PCDHGA1: variants seen among roughly 807,000 people sequenced by gnomAD.
PCDHGA1 encodes the protein protocadherin gamma-A1.
PCDHGA1 carries 32 observed loss-of-function variants against 58.0 expected under a neutral mutation model. The ratio of observed to expected loss-of-function variants is 0.55; its 90% CI spans 0.42 to 0.74. The LOEUF (loss-of-function observed/expected upper bound fraction) is 0.74, where lower values mean the gene tolerates loss of function less well. Ranked by LOEUF, PCDHGA1 falls within the 30% of genes least tolerant of loss-of-function variation. The pLI is 0.00. For missense variants in PCDHGA1, 1,205 were observed against 1,182.3 expected, an observed-to-expected ratio of 1.02 and a Z score of -0.28; for synonymous variants, 498 against 501.1, an observed-to-expected ratio of 0.99 and a Z score of 0.08.
At chr5:141,422,198 A>G (rs2096632774) in intron 1 of PCDHGA1, 1 of 1,562,340 alleles carries the variant, frequency 6.4e-7, no homozygotes, top group Non-Finnish European at 8.6e-7. Flanking sequence ...CAAGGCCAAG[A>G]TGGTGGAGGT....
intron 2 of PCDHGA1, among the ~76,000 whole-genome samples, chr5:141,496,104 G>A (rs950960102): frequency 6.8e-6 from 1 of 146,980 alleles, no homozygotes; most frequent in African/African-American, 2.5e-5. Context: ...CCAACACCCC[G>A]CTCTCTTCCT....
intron 1 of PCDHGA1, chr5:141,345,349 C>T (rs1040272495): frequency 3.1e-6 from 5 of 1,613,964 alleles, no homozygotes; most frequent in Non-Finnish European, 4.2e-6. Flanking sequence ...ACTCACATCA[C>T]CCTGCATGTG....
At position 141,428,173 on chromosome 5, in the gene PCDHGA1, C is replaced by T. The variant is rs192741775; in HGVS notation, c.2422-66634C>T. The T allele has an allele frequency of 3.3e-6, 5 of 1,514,730 alleles. No homozygotes were observed. In the East Asian group the frequency reaches 9.1e-5, roughly 28 times the overall value. 93.8% of individuals were successfully genotyped at this position (1,514,730 alleles called of 1,614,324 possible). A position where few individuals can be genotyped will look rare whatever the true frequency, so the allele number is the denominator to read the frequency against. On this transcript the variant is annotated intron_variant, in intron 1 of 3. Transcript: ENST00000517417. ...GGAACCTGCTGGTTGCTGTGCGTGA[C>T]GGAGGACAGCCGCCGCTCTCTGCGC... is the stretch of plus-strand genomic sequence containing the variant.
At chr5:141,365,666 A>T in intron 1 of PCDHGA1, 4 of 1,613,398 alleles carry the variant, frequency 2.5e-6, no homozygotes, top group Non-Finnish European at 3.4e-6. Flanking sequence ...AGCAGACGTT[A>T]ATGACAACCC....
At position 141,374,373 on chromosome 5, in the gene PCDHGA1, C is replaced by A. The variant is rs370590731; in HGVS notation, c.2421+41268C>A. 7.4e-6 allele frequency: 12 copies of A among 1,613,934 alleles called. No homozygotes were observed. Among genetic ancestry groups the A allele is most frequent in the Non-Finnish European group, 8.5e-7 (1 of 1,179,910 alleles). On this transcript the variant is annotated intron_variant, in intron 1 of 3. Transcript: ENST00000517417. ...AGGATAGACCGCGAGGAGCTCTGTGCTCAGAGCCCGCGGTGTCTGGTGAGT... is the reference window on the plus strand; with the variant it reads ...AGGATAGACCGCGAGGAGCTCTGTGATCAGAGCCCGCGGTGTCTGGTGAGT...
chr5:141,423,131 A>C (rs370773437), intron 1 of PCDHGA1: 1 of 1,613,538 alleles, frequency 6.2e-7, no homozygotes. Flanking sequence ...GCACTGCTGG[A>C]CAGAGACGCG....
At chr5:141,395,410 AT>A (rs1180706569) in intron 1 of PCDHGA1, 2 of 801,646 alleles carry the variant, frequency 2.5e-6, no homozygotes, top group African/African-American at 3.5e-5. Flanking sequence ...GTCATAGGTT[AT>A]TGTTTCATTT....
Position 141,486,682 on chromosome 5 carries a change from A to C in PCDHGA1, c.2422-8125A>C, listed in dbSNP as rs781547951. 1.4e-5 allele frequency: 22 copies of C among 1,614,064 alleles called. No individual in the cohort carries two copies. The African/African-American group carries it at 2.3e-4, about 17-fold the overall frequency. ...TGGAGCCCAGGAATCGAGATGTATC[A>C]GCTTCCTCTTTCATCTCTCTGAACC... On this transcript the variant is annotated intron_variant, in intron 1 of 3. Coordinates refer to ENST00000517417, the MANE Select transcript of PCDHGA1 (RefSeq NM_018912.3). The surrounding 1 kb of genome is among the most constrained non-coding windows in gnomAD (Gnocchi z 5.0).
At chr5:141,433,691 G>A (rs2097644575) in intron 1 of PCDHGA1, among the ~76,000 whole-genome samples, 1 of 152,044 alleles carries the variant, frequency 6.6e-6, no homozygotes, top group Non-Finnish European at 1.5e-5. Flanking sequence ...TACAAAATTA[G>A]CCGGGCGTGG....
intron 1 of PCDHGA1, chr5:141,339,015 T>A (rs748669005): frequency 6.3e-7 from 1 of 1,586,616 alleles, no homozygotes; most frequent in Admixed American, 1.8e-5. Context: ...AAGCTGGTCC[T>A]GCTGTGCTTC....
At chr5:141,409,986 A>G (rs995773112) in intron 1 of PCDHGA1, 27 of 1,612,796 alleles carry the variant, frequency 1.7e-5, no homozygotes, top group Non-Finnish European at 2.2e-5. Context: ...GTAGCGGTGG[A>G]CGCCGACTCG....
chr5:141,474,170 T>G (rs535586079), intron 1 of PCDHGA1, among the ~76,000 whole-genome samples: 1 of 152,346 alleles, frequency 6.6e-6, no homozygotes, highest in South Asian at 2.1e-4. Flanking sequence ...GCCTTATTAT[T>G]GAGAAAACTA....
Position 141,494,880 on chromosome 5 carries a change from C to T in PCDHGA1, c.2480+15C>T. On this transcript the variant is annotated intron_variant, in intron 2 of 3. Transcript: ENST00000517417. ...GGCACCAGCGGGTAGGTGACTGATT[C>T]TCCAGCCCACCCTCTTCTCTGCGGC... 3 of 1,614,158 alleles carry T rather than the reference C, an allele frequency of 1.9e-6. No homozygotes were observed. Among genetic ancestry groups the T allele is most frequent in the Non-Finnish European group, 1.7e-6 (2 of 1,180,012 alleles).
chr5:141,374,408 C>T (rs769866993), intron 1 of PCDHGA1: 1 of 1,614,034 alleles, frequency 6.2e-7, no homozygotes, highest in East Asian at 2.2e-5. Context: ...TTTTAACATC[C>T]TTGTCGAGGA....
At chr5:141,355,397 T>A in intron 1 of PCDHGA1, 2 of 1,614,048 alleles carry the variant, frequency 1.2e-6, no homozygotes, top group African/African-American at 1.3e-5. Context: ...GGAGTCCGCA[T>A]CGTCTCCAGA....
Position 141,405,365 on chromosome 5 carries a change from C to T in PCDHGA1, c.2421+72260C>T, listed in dbSNP as rs773382376. 2.5e-6 allele frequency: 4 copies of T among 1,613,614 alleles called. No homozygotes were observed. The Admixed American group carries it at 5.0e-5, about 20-fold the overall frequency. On this transcript the variant is annotated intron_variant, in intron 1 of 3. Transcript: ENST00000517417. ...TTCCAAGTTTCCTATAGAAGACACC[C>T]CTTTGGTTCCGGTGAGTTCATTTTT...
intron 1 of PCDHGA1, chr5:141,339,893 G>T: frequency 6.2e-7 from 1 of 1,614,148 alleles, no homozygotes; most frequent in Non-Finnish European, 8.5e-7. Flanking sequence ...AAAAGATCTA[G>T]ATTATGAGGA....
At chr5:141,369,576 C>T (rs1388999909) in intron 1 of PCDHGA1, among the ~76,000 whole-genome samples, 1 of 152,202 alleles carries the variant, frequency 6.6e-6, no homozygotes, top group Non-Finnish European at 1.5e-5. Context: ...AAGAGACCCT[C>T]TTGCTTTTTA....
rs756706355 is a variant in PCDHGA1 at position 141,486,950 on chromosome 5, G to A, written c.2422-7857G>A. On this transcript the variant is annotated intron_variant, in intron 1 of 3. Transcript: ENST00000517417. This position sits in a 1 kb window ranked among gnomAD's most constrained non-coding sequence, Gnocchi z 5.0. The stretch of plus-strand genomic sequence containing the variant: ...TGGTGCTGGCCACCTAATCACAAAG[G>A]TGACTGCTGTGGACTTGGATTCAGG... 2 of 1,614,202 alleles carry A rather than the reference G, an allele frequency of 1.2e-6. No homozygotes were observed. The highest frequency in any genetic ancestry group is 1.7e-6 in the Non-Finnish European group (2 of 1,180,044).
Sources: allele counts gnomAD v4.1 joint callset (sites outside exome capture counted in the v4.1 genomes callset), GRCh38; gene constraint gnomAD v4.1.1; non-coding constraint Gnocchi (gnomAD v3.1); transcripts MANE v1.5; gene names NCBI Gene and HGNC (gene_info 2026-07-23, HGNC 2026-07-21).